The following BOD1L1 variants were observed in gnomAD, a reference collection of about 807,000 sequenced individuals.
BOD1L1 encodes the protein biorientation of chromosomes in cell division 1 like 1.
A neutral mutation model predicts 240.7 loss-of-function variants in BOD1L1; 86 were observed. The ratio of observed to expected loss-of-function variants is 0.36; its 90% CI spans 0.30 to 0.43. The LOEUF is 0.43. Among genes scored for constraint, BOD1L1 ranks in the 20% least tolerant of loss-of-function variants. The pLI is 1.00. For synonymous variants in BOD1L1, 1,268 were observed against 1,272.3 expected, an observed-to-expected ratio of 1.00 and a Z score of 0.07; for missense variants, 3,554 against 3,643.5, an observed-to-expected ratio of 0.98 and a Z score of 0.63.
chr4:13,600,840 T>C lies in BOD1L1; in HGVS notation c.6060A>G (p.Glu2020=), dbSNP rs1715078462. The change falls in exon 10 of 26, where the codon GAA becomes GAG. Residue 2020 remains glutamate, a synonymous_variant. Coordinates refer to ENST00000040738, the MANE Select transcript of BOD1L1 (RefSeq NM_148894.3). ...VLVSGEVPEC[E]VAHTSPSEKE... is the part of the protein sequence containing the mutation. ...TTTCACTTGGTGATGTGTGAGCAAC[T>C]TCACATTCTGGGACTTCACCAGATA... 1.9e-6 allele frequency: 3 copies of C among 1,613,860 alleles called. No homozygotes were observed. The highest frequency in any genetic ancestry group is 2.2e-5 in the East Asian group (1 of 44,868).
Position 13,603,156 on chromosome 4 carries a change from T to C in BOD1L1, c.3744A>G (p.Glu1248=). The change falls in exon 10 of 26, where the codon GAA becomes GAG. Residue 1248 remains glutamate (E), a synonymous_variant. Transcript: ENST00000040738. The part of the protein sequence containing the change: ...VHRMLLSAPS[E]NDRVQKNLKN... Reference sequence around the variant, plus strand: ...TCAAATTCTTCTGTACCCTATCATTTTCTGATGGGGCACTCAGTAACATTC... The same window carrying C: ...TCAAATTCTTCTGTACCCTATCATTCTCTGATGGGGCACTCAGTAACATTC... The C allele has an allele frequency of 1.2e-6, 2 of 1,614,050 alleles. No individual in the cohort carries two copies. The highest frequency in any genetic ancestry group is 4.5e-5 in the East Asian group (2 of 44,888).
At chr4:13,620,703 T>C (rs184982454) in intron 1 of BOD1L1, among the ~76,000 whole-genome samples, 153 of 152,314 alleles carry the variant, frequency 1.0e-3, no homozygotes, top group African/African-American at 3.6e-3. Flanking sequence ...AGCTTTCTGA[T>C]GGTTAATCAT....
At chr4:13,585,909 C>G (rs1488883383) in intron 17 of BOD1L1, among the ~76,000 whole-genome samples, 1 of 152,188 alleles carries the variant, frequency 6.6e-6, no homozygotes, top group South Asian at 2.1e-4. Context: ...GAGGCCTCCC[C>G]AGCCATGCGG....
chr4:13,576,479 T>C (rs984562104), intron 25 of BOD1L1, among the ~76,000 whole-genome samples: 2 of 152,108 alleles, frequency 1.3e-5, no homozygotes, highest in African/African-American at 4.8e-5. Context: ...TGGGTTGAAT[T>C]AAGTATGCTG....
At position 13,569,452 on chromosome 4, in the gene BOD1L1, T is replaced by A. The variant is rs1712017911; in HGVS notation, c.*559A>T. 1 of 152,142 alleles carries A rather than the reference T, an allele frequency of 6.6e-6. No homozygotes were observed. Among genetic ancestry groups the A allele is most frequent in the Non-Finnish European group, 1.5e-5 (1 of 68,020 alleles). 9.4% of individuals were successfully genotyped at this position (152,142 alleles called of 1,614,324 possible). On this transcript the variant is annotated 3_prime_UTR_variant, in exon 26 of 26. Coordinates refer to ENST00000040738, the MANE Select transcript of BOD1L1 (RefSeq NM_148894.3). ...TTCTGCCAGATCATATTAAGATAGT[T>A]ACAGAGCAGGCAGAGTCCTAAAAAA... is the stretch of plus-strand genomic sequence containing the variant.
At chr4:13,620,120 C>G in intron 1 of BOD1L1, 53 bp from the exon 2 acceptor site, 1 of 1,496,576 alleles carries the variant, frequency 6.7e-7, no homozygotes, top group Non-Finnish European at 9.0e-7. Flanking sequence ...TATCAATATT[C>G]ACCTCTCAGA....
At position 13,609,543 on chromosome 4, in the gene BOD1L1, T is replaced by C. The variant is rs2108971780; in HGVS notation, c.1492-137A>G. 9.8e-6 allele frequency: 5 copies of C among 509,208 alleles called. No individual in the cohort carries two copies. In the East Asian group the frequency reaches 1.6e-4, roughly 16 times the overall value. 31.5% of individuals were successfully genotyped at this position (509,208 alleles called of 1,614,324 possible). ...GGGCTCTGAAAAAATGCACATACACTACATATATATACACACATTTATCTC... is the reference window on the plus strand; with the variant it reads ...GGGCTCTGAAAAAATGCACATACACCACATATATATACACACATTTATCTC... On this transcript the variant is annotated intron_variant, in intron 6 of 25. Coordinates refer to ENST00000040738, the MANE Select transcript of BOD1L1 (RefSeq NM_148894.3).
Position 13,603,844 on chromosome 4 carries a change from C to T in BOD1L1, c.3056G>A (p.Gly1019Asp), listed in dbSNP as rs760450140. The change falls in exon 10 of 26, where the codon GGC becomes GAC. Residue 1019 changes from glycine to aspartate, a missense_variant. Physicochemically the swap from Gly to Asp is moderately conservative, Grantham distance 94. Transcript: ENST00000040738. ...STRLERKLSD[G>D]HKSRSLKHSS... ...ATGCTTTAAGCTTCTGCTTTTGTGG[C>T]CATCTGACAACTTTCTCTCAAGCCT... 48 of 1,613,226 alleles carry T rather than the reference C, an allele frequency of 3.0e-5. No homozygotes were observed. The South Asian group carries it at 5.2e-4, about 17-fold the overall frequency.
chr4:13,592,089 TC>T, intron 12 of BOD1L1, 123 bp from the exon 13 acceptor site: 1 of 630,154 alleles, frequency 1.6e-6, no homozygotes, highest in Non-Finnish European at 2.7e-6. Flanking sequence ...TTAGCTGCTT[TC>T]ATAAATTATA....
At chr4:13,609,265 G>C (rs1266309619) in intron 7 of BOD1L1, 30 bp downstream of exon 7, 2 of 1,300,216 alleles carry the variant, frequency 1.5e-6, no homozygotes, top group Non-Finnish European at 2.0e-6. Context: ...ATATGAGATA[G>C]TTTAAAATAT....
Position 13,604,678 on chromosome 4 carries a change from A to C in BOD1L1, c.2222T>G (p.Val741Gly). The C allele has an allele frequency of 6.3e-7, 1 of 1,592,208 alleles. No homozygotes were observed. The highest frequency in any genetic ancestry group is 8.5e-7 in the Non-Finnish European group (1 of 1,174,396). ...ACAATCACCTTTATATTTATGTTTCACAGACAATTTGTCTTCCGATGGAGT... is the reference window on the plus strand; with the variant it reads ...ACAATCACCTTTATATTTATGTTTCCCAGACAATTTGTCTTCCGATGGAGT... ...EKTPSEDKLSVKHKYKGDCMH... is the reference protein window; with the variant it reads ...EKTPSEDKLSGKHKYKGDCMH... The change falls in exon 10 of 26, where the codon GTG becomes GGG. Residue 741 changes from valine to glycine, a missense_variant. By Grantham distance (109) the Val-to-Gly change is moderately radical (BLOSUM62 -3). Coordinates refer to ENST00000040738, the MANE Select transcript of BOD1L1 (RefSeq NM_148894.3).
At position 13,600,322 on chromosome 4, in the gene BOD1L1, G is replaced by A. The variant is rs1229984512; in HGVS notation, c.6578C>T (p.Pro2193Leu). 1.2e-6 allele frequency: 2 copies of A among 1,614,064 alleles called. No homozygotes were observed. Among genetic ancestry groups the A allele is most frequent in the South Asian group, 2.2e-5 (2 of 91,088 alleles). The change falls in exon 10 of 26, where the codon CCT (proline) becomes CTT (leucine). Residue 2193 changes from proline (P) to leucine (L), a missense_variant. Pro to Leu is a moderately conservative substitution (Grantham distance 98). Coordinates refer to ENST00000040738, the MANE Select transcript of BOD1L1 (RefSeq NM_148894.3). ...VLISTADFEG[P>L]MPSAPPEAES... ...AGCTTCTGGGGGCGCACTGGGCATA[G>A]GCCCCTCAAAGTCGGCGGTGCTTAT...
chr4:13,584,154 T>C (rs573003554), intron 17 of BOD1L1, among the ~76,000 whole-genome samples: 10 of 152,326 alleles, frequency 6.6e-5, no homozygotes, highest in Non-Finnish European at 1.5e-4. Context: ...GGTTCTACCA[T>C]TTCTTCTCAC....
Position 13,599,598 on chromosome 4 carries a change from A to G in BOD1L1, c.7302T>C (p.His2434=). Residue 2434 remains histidine (H), a synonymous_variant, in exon 10 of 26, where the codon CAT becomes CAC. Transcript: ENST00000040738. ...SAVCAEKEEK[H]GKECPEIGPF... Reference sequence around the variant, plus strand: ...GTCCTATTTCGGGGCACTCCTTGCCATGCTTCTCTTCTTTTTCCGCACAAA... The same window carrying G: ...GTCCTATTTCGGGGCACTCCTTGCCGTGCTTCTCTTCTTTTTCCGCACAAA... 1 of 1,613,920 alleles carries G rather than the reference A, an allele frequency of 6.2e-7. No homozygotes were observed. Among genetic ancestry groups the G allele is most frequent in the Non-Finnish European group, 8.5e-7 (1 of 1,179,880 alleles).
rs554065563 is a variant in BOD1L1 at position 13,622,014 on chromosome 4, G to C, written c.244-1947C>G. On this transcript the variant is annotated intron_variant, in intron 1 of 25. Transcript: ENST00000040738. ...TGAGTAGCTGGGACTACAGGCATGCGCCACCACACCTGGCTAATTTTTGTA... is the reference window on the plus strand; with the variant it reads ...TGAGTAGCTGGGACTACAGGCATGCCCCACCACACCTGGCTAATTTTTGTA... 1.1e-4 allele frequency among the ~76,000 whole-genome samples: 16 copies of C among 151,738 alleles called. No homozygotes were observed. The East Asian group carries it at 3.1e-3, about 30-fold the overall frequency.
chr4:13,587,637 C>T (rs1052172002), intron 16 of BOD1L1, 62 bp downstream of exon 16: 1 of 1,291,402 alleles, frequency 7.7e-7, no homozygotes, highest in Non-Finnish European at 1.1e-6. Context: ...TTGGCTCACT[C>T]TTTTGGATAT....
chr4:13,573,424 C>G (rs1372830573), intron 25 of BOD1L1, among the ~76,000 whole-genome samples: 1 of 105,352 alleles, frequency 9.5e-6, no homozygotes, highest in Non-Finnish European at 2.1e-5. Flanking sequence ...ATCTATCTGT[C>G]TGTCTGTCTG....
chr4:13,587,555 C>A lies in BOD1L1; in HGVS notation c.8353+144G>T, dbSNP rs1577326344. On this transcript the variant is annotated intron_variant, in intron 16 of 25. Coordinates refer to ENST00000040738, the MANE Select transcript of BOD1L1 (RefSeq NM_148894.3). ...CAGAAAGGACTCCGGAGGTATCAAG[C>A]CAGTCTAGAAACAAATTAGCCTCAA... 4.8e-6 allele frequency: 3 copies of A among 629,134 alleles called. No homozygotes were observed. The East Asian group carries it at 8.6e-5, about 18-fold the overall frequency. The allele number at this position is 629,134 out of a possible 1,614,324, so 39.0% of individuals were successfully genotyped here. A position where few individuals can be genotyped will look rare whatever the true frequency, so the allele number is the denominator to read the frequency against.
At position 13,577,445 on chromosome 4, in the gene BOD1L1, C is replaced by T. The variant is rs537476534; in HGVS notation, c.8842G>A (p.Gly2948Arg). ...EKIVTSVRRR[G>R]RKPKRSLTVS... The stretch of plus-strand genomic sequence containing the variant: ...GTGAGAGAACGTTTGGGTTTTCTTC[C>T]TCTCCGACGCACACTTGTTACTATT... Residue 2948 changes from glycine to arginine, a missense_variant, in exon 24 of 26, where the codon GGA becomes AGA. Around this residue, in one of 2 missense-constraint regions of BOD1L1, gnomAD observed 3,393 missense variants for 3,427.1 expected, o/e 0.99. Coordinates refer to ENST00000040738, the MANE Select transcript of BOD1L1 (RefSeq NM_148894.3). 1.2e-4 allele frequency: 199 copies of T among 1,613,766 alleles called. 4 individuals carry two copies. The South Asian group carries it at 2.1e-3, about 17-fold the overall frequency.
Sources: gnomAD v4.1 joint callset for allele counts (sites outside exome capture counted in the v4.1 genomes callset) on GRCh38, gnomAD v4.1.1 for gene constraint, gnomAD v4.1.1 regional missense constraint, MANE v1.5 for transcripts, NCBI Gene and HGNC (gene_info 2026-07-23, HGNC 2026-07-21) for gene names.